The following CDK17 variants were observed in gnomAD, a reference collection of about 807,000 sequenced individuals.
CDK17 encodes cyclin-dependent kinase 17.
CDK17 carries 24 observed loss-of-function variants against 77.6 expected under a neutral mutation model. That is an observed-to-expected ratio of 0.31 (90% CI 0.22 to 0.44). The LOEUF is 0.44. Ranked by LOEUF, CDK17 falls within the 20% of genes least tolerant of loss-of-function variation. The pLI is 1.00. For synonymous variants in CDK17, 203 were observed against 210.4 expected, an observed-to-expected ratio of 0.96 and a Z score of 0.30; for missense variants, 429 against 622.5, an observed-to-expected ratio of 0.69 and a Z score of 3.31.
chr12:96,295,153 T>TA, intron 9 of CDK17, 31 bp from the exon 10 acceptor site: 3 of 1,560,148 alleles, frequency 1.9e-6, no homozygotes, highest in Non-Finnish European at 2.6e-6. Flanking sequence ...AAATTAGTCT[T>TA]AAAGATGAGA....
At chr12:96,389,885 A>C (rs1954039728) in intron 1 of CDK17, among the ~76,000 whole-genome samples, 1 of 150,464 alleles carries the variant, frequency 6.6e-6, no homozygotes, top group African/African-American at 2.5e-5. Context: ...GCTGGAGTGC[A>C]GCGGTGTGAT....
chr12:96,374,820 C>T (rs755778281), intron 1 of CDK17, among the ~76,000 whole-genome samples: 4 of 152,192 alleles, frequency 2.6e-5, no homozygotes, highest in Non-Finnish European at 5.9e-5. Context: ...CAACACAATG[C>T]TACAGCCACT....
intron 1 of CDK17, among the ~76,000 whole-genome samples, chr12:96,392,825 G>A (rs914443616): frequency 3.3e-5 from 5 of 152,164 alleles, no homozygotes; most frequent in African/African-American, 1.2e-4. Context: ...CCTAAATATA[G>A]ACCAGATTGC....
intron 1 of CDK17, among the ~76,000 whole-genome samples, chr12:96,340,601 A>G (rs2137153437): frequency 6.6e-6 from 1 of 152,314 alleles, no homozygotes; most frequent in Middle Eastern, 3.4e-3. Flanking sequence ...TTTAAGTAGA[A>G]CTGTGCATAT....
At chr12:96,332,746 A>G (rs1952989913) in intron 2 of CDK17, among the ~76,000 whole-genome samples, 1 of 152,350 alleles carries the variant, frequency 6.6e-6, no homozygotes, top group Admixed American at 6.5e-5. Flanking sequence ...GAGAAACTCA[A>G]TAGATCGCCT....
At chr12:96,317,182 C>T (rs1284132708) in intron 3 of CDK17, among the ~76,000 whole-genome samples, 25 of 149,324 alleles carry the variant, frequency 1.7e-4, no homozygotes, top group African/African-American at 4.2e-4. Flanking sequence ...GGAGCCGATG[C>T]GATCAACTGG....
chr12:96,297,566 G>T, intron 8 of CDK17, 61 bp downstream of exon 8: 3 of 1,122,826 alleles, frequency 2.7e-6, no homozygotes, highest in East Asian at 2.4e-5. Flanking sequence ...CAAACTAAAA[G>T]TCCAATTTAC....
At chr12:96,305,749 T>C (rs944578751) in intron 5 of CDK17, among the ~76,000 whole-genome samples, 1 of 152,110 alleles carries the variant, frequency 6.6e-6, no homozygotes, top group Non-Finnish European at 1.5e-5. Flanking sequence ...CAGGGTCTCT[T>C]GCTCTGTCGA....
intron 1 of CDK17, among the ~76,000 whole-genome samples, chr12:96,359,010 A>G (rs1953453278): frequency 6.7e-6 from 1 of 149,632 alleles, no homozygotes; most frequent in South Asian, 2.1e-4. Context: ...CAAATGGCCT[A>G]TATTTGACAT....
At chr12:96,347,813 TTAA>T (rs1953246510) in intron 1 of CDK17, among the ~76,000 whole-genome samples, 1 of 152,126 alleles carries the variant, frequency 6.6e-6, no homozygotes, top group Non-Finnish European at 1.5e-5. Flanking sequence ...AAAACAAGTC[TTAA>T]TAAACTTTAA....
At chr12:96,367,248 G>C (rs1347528820) in intron 1 of CDK17, among the ~76,000 whole-genome samples, 1 of 149,930 alleles carries the variant, frequency 6.7e-6, no homozygotes, top group African/African-American at 2.5e-5. Context: ...GGCAGGCTGA[G>C]GCGGGAGAAT....
Position 96,313,407 on chromosome 12 carries a change from G to T in CDK17, c.331C>A (p.Gln111Lys). The T allele has an allele frequency of 6.3e-7, 1 of 1,592,814 alleles. No homozygotes were observed. Among genetic ancestry groups the T allele is most frequent in the South Asian group, 1.1e-5 (1 of 87,518 alleles). The change falls in exon 4 of 17, where the codon CAA (glutamine) becomes AAA (lysine). Residue 111 changes from glutamine to lysine, a missense_variant. Around this residue, in one of 4 missense-constraint regions of CDK17, gnomAD observed 262 missense variants for 385.4 expected, o/e 0.68. Coordinates refer to ENST00000261211, the MANE Select transcript of CDK17 (RefSeq NM_002595.5). The part of the protein sequence containing the change: ...LKMGSDGESD[Q>K]ASGTSSDEVQ... ...TCATCAGATGATGTCCCAGAAGCTT[G>T]GTCACTCTCACCATCTGATCCCATT...
chr12:96,352,454 G>A (rs1331670776), intron 1 of CDK17, among the ~76,000 whole-genome samples: 1 of 152,080 alleles, frequency 6.6e-6, no homozygotes, highest in African/African-American at 2.4e-5. Context: ...AAACAGAGAG[G>A]GATCTCCCAC....
intron 1 of CDK17, among the ~76,000 whole-genome samples, chr12:96,373,494 T>C (rs889088998): frequency 6.6e-6 from 1 of 152,070 alleles, no homozygotes; most frequent in Non-Finnish European, 1.5e-5. Context: ...CTAGGGAGGC[T>C]GAGGCAGGGG....
chr12:96,292,612 A>C (rs902479405), intron 10 of CDK17, among the ~76,000 whole-genome samples: 7 of 151,706 alleles, frequency 4.6e-5, no homozygotes, highest in East Asian at 1.9e-4. Context: ...CTCAAAACAA[A>C]CAACCAAAAA....
At chr12:96,334,946 A>G (rs1176458605) in intron 1 of CDK17, 81 bp from the exon 2 acceptor site, 1 of 697,236 alleles carries the variant, frequency 1.4e-6, no homozygotes, top group East Asian at 2.7e-5. Flanking sequence ...TTTACTGGAA[A>G]TCTTTAAAAT....
At chr12:96,360,774 T>C (rs781015210) in intron 1 of CDK17, among the ~76,000 whole-genome samples, 149 of 152,184 alleles carry the variant, frequency 9.8e-4, no homozygotes, top group Non-Finnish European at 1.8e-3. Flanking sequence ...GCTCTGCACA[T>C]TGCAGAGGCT....
chr12:96,386,058 C>T (rs1953968416), intron 1 of CDK17, among the ~76,000 whole-genome samples: 1 of 152,220 alleles, frequency 6.6e-6, no homozygotes, highest in African/African-American at 2.4e-5. Context: ...CTAACTCTGT[C>T]ACGCTGGCTG....
Position 96,282,499 on chromosome 12 carries a change from T to G in CDK17, c.1456+10A>C. The G allele has an allele frequency of 6.4e-7, 1 of 1,565,694 alleles. No homozygotes were observed. The highest frequency in any genetic ancestry group is 1.1e-5 in the South Asian group (1 of 89,882). On this transcript the variant is annotated intron_variant, in intron 15 of 16. Coordinates refer to ENST00000261211, the MANE Select transcript of CDK17 (RefSeq NM_002595.5). Reference sequence around the variant, plus strand: ...ATAAAGCAGGGAAAACACTTTAGGATTTCTCTTACTTTCTGGTAAAGCATG... The same window carrying G: ...ATAAAGCAGGGAAAACACTTTAGGAGTTCTCTTACTTTCTGGTAAAGCATG...
Sources: allele counts gnomAD v4.1 joint callset (sites outside exome capture counted in the v4.1 genomes callset), GRCh38; gene constraint gnomAD v4.1.1; regional missense constraint gnomAD v4.1.1; transcripts MANE v1.5; gene names NCBI Gene and HGNC (gene_info 2026-07-23, HGNC 2026-07-21).